SYT16: variants seen among roughly 807,000 people sequenced by gnomAD.
SYT16 encodes the protein synaptotagmin 16.
A neutral mutation model predicts 61.4 loss-of-function variants in SYT16; 42 were observed. The ratio of observed to expected loss-of-function variants is 0.68; its 90% CI spans 0.53 to 0.89. The LOEUF (loss-of-function observed/expected upper bound fraction) is 0.89. SYT16 is among the 40% of genes least tolerant of loss of function. The pLI, the probability that SYT16 is intolerant of heterozygous loss-of-function variation, is 0.00. For synonymous variants in SYT16, 314 were observed against 302.3 expected (o/e 1.04, Z -0.40); for missense variants, 804 against 807.3 (o/e 1.00, Z 0.05).
chr14:61,901,756 A>ATT (rs2048523669), intron 1 of SYT16, among the ~76,000 whole-genome samples: 1 of 146,142 alleles, frequency 6.8e-6, no homozygotes, highest in Admixed American at 6.9e-5. Flanking sequence ...TAATAATAAT[A>ATT]ATAATAATTA....
chr14:62,064,308 A>T (rs2140926950), intron 3 of SYT16, among the ~76,000 whole-genome samples: 1 of 149,828 alleles, frequency 6.7e-6, no homozygotes. Flanking sequence ...GATCTTGCAA[A>T]TAGACAAGAG....
At chr14:61,935,619 G>C (rs1202215085) in intron 1 of SYT16, among the ~76,000 whole-genome samples, 3 of 152,166 alleles carry the variant, frequency 2.0e-5, no homozygotes, top group East Asian at 1.9e-4. Context: ...GCACAGAGTC[G>C]ACACGTGGCA....
At chr14:61,859,091 C>A (rs1044541977) in intron 1 of SYT16, among the ~76,000 whole-genome samples, 10 of 151,900 alleles carry the variant, frequency 6.6e-5, no homozygotes, top group African/African-American at 9.7e-5. Flanking sequence ...GATCTCCTGA[C>A]CTCATGATTC....
chr14:62,105,052 TGG>T lies in SYT16; in HGVS notation c.*4346_*4347del, dbSNP rs2057490021. ...CAAGGATAGGCTCATGAAGCCAGGC[TGG>T]ATTCGTAAATAAAGGAGGCTTCATC... On this transcript the variant is annotated 3_prime_UTR_variant, in exon 8 of 8. Coordinates refer to ENST00000683842, the MANE Select transcript of SYT16 (RefSeq NM_001367656.1). The T allele has an allele frequency of 6.6e-6, 1 of 152,220 alleles. No individual in the cohort carries two copies. The highest frequency in any genetic ancestry group is 1.5e-5 in the Non-Finnish European group (1 of 68,036). 9.4% of individuals were successfully genotyped at this position (152,220 alleles called of 1,614,324 possible).
At chr14:62,084,978 AAAGG>A (rs1427264680) in intron 7 of SYT16, among the ~76,000 whole-genome samples, 6 of 152,190 alleles carry the variant, frequency 3.9e-5, no homozygotes, top group Non-Finnish European at 8.8e-5. Context: ...GGTGACAGAG[AAAGG>A]AAGTAAAGGA....
intron 3 of SYT16, among the ~76,000 whole-genome samples, chr14:62,038,649 G>T (rs965016827): frequency 2.0e-5 from 3 of 152,014 alleles, no homozygotes; most frequent in African/African-American, 7.2e-5. Flanking sequence ...CTCTCTGTCT[G>T]GCCTTTATAG....
intron 1 of SYT16, among the ~76,000 whole-genome samples, chr14:61,949,361 T>C (rs1382129676): frequency 6.6e-6 from 1 of 152,264 alleles, no homozygotes; most frequent in Non-Finnish European, 1.5e-5. Context: ...CCTTTCAGCC[T>C]GTGGCTGTTT....
chr14:61,824,163 CTT>C (rs554456983), intron 1 of SYT16, among the ~76,000 whole-genome samples: 79 of 152,218 alleles, frequency 5.2e-4, no homozygotes, highest in South Asian at 1.2e-3. Context: ...TCTTTGAAAT[CTT>C]TGTCAATTCT....
chr14:61,822,410 G>A (rs2045645578), intron 1 of SYT16, among the ~76,000 whole-genome samples: 1 of 152,178 alleles, frequency 6.6e-6, no homozygotes, highest in African/African-American at 2.4e-5. Context: ...ACTGACTCCT[G>A]CATCATTCTT....
In SYT16 at chr14:62,102,705, T is replaced by C. The variant is rs1490619696; in HGVS notation, c.*1998T>C. ...TTTATGCAGTAACATAATAGCAGCA[T>C]TCATTTTAAAATTTACATTTGAAAA... On this transcript the variant is annotated 3_prime_UTR_variant, in exon 8 of 8. Transcript: ENST00000683842. 1 of 152,208 alleles carries C rather than the reference T, an allele frequency of 6.6e-6. No individual in the cohort carries two copies. 9.4% of individuals were successfully genotyped at this position (152,208 alleles called of 1,614,324 possible).
intron 3 of SYT16, among the ~76,000 whole-genome samples, chr14:62,006,134 A>G (rs2053214672): frequency 1.3e-5 from 2 of 152,062 alleles, no homozygotes; most frequent in South Asian, 2.1e-4. Flanking sequence ...CTATAAAACT[A>G]GGATATGTGA....
intron 1 of SYT16, among the ~76,000 whole-genome samples, chr14:61,867,127 A>G (rs1415945880): frequency 6.6e-6 from 1 of 152,058 alleles, no homozygotes; most frequent in Non-Finnish European, 1.5e-5. Context: ...TTATGCTAAT[A>G]TCATACTGCT....
intron 1 of SYT16, among the ~76,000 whole-genome samples, chr14:61,884,087 C>A (rs1435086306): frequency 6.6e-6 from 1 of 152,152 alleles, no homozygotes; most frequent in African/African-American, 2.4e-5. Context: ...TATCAGCATC[C>A]TTTGGATTTC....
At chr14:62,022,043 C>CT (rs56923888) in intron 3 of SYT16, among the ~76,000 whole-genome samples, 15,963 of 142,036 alleles carry the variant, frequency 0.11, 1,219 homozygotes, top group African/African-American at 0.23. Context: ...TCTTCTTTTT[C>CT]TTTTTTTTTT....
intron 3 of SYT16, among the ~76,000 whole-genome samples, chr14:62,022,747 G>A (rs575206021): frequency 6.6e-6 from 1 of 151,870 alleles, no homozygotes; most frequent in Non-Finnish European, 1.5e-5. Context: ...GCTTTGCTTT[G>A]TCTAATCTGC....
chr14:61,991,514 G>A (rs2052549288), intron 2 of SYT16, among the ~76,000 whole-genome samples: 2 of 152,218 alleles, frequency 1.3e-5, no homozygotes, highest in Admixed American at 1.3e-4. Flanking sequence ...TATCTCCATG[G>A]TTACCCTGCC....
intron 2 of SYT16, among the ~76,000 whole-genome samples, chr14:61,986,157 GA>G (rs917976124): frequency 3.2e-4 from 48 of 149,212 alleles, no homozygotes; most frequent in African/African-American, 1.1e-3. Flanking sequence ...ATCTCTTAAT[GA>G]AAAAAAAATA....
chr14:61,851,057 C>T (rs1012154581), intron 1 of SYT16, among the ~76,000 whole-genome samples: 1 of 152,118 alleles, frequency 6.6e-6, no homozygotes, highest in Admixed American at 6.5e-5. Flanking sequence ...TGCTCTCCCT[C>T]CTCCCACCCC....
chr14:61,895,562 C>G (rs532204567), intron 1 of SYT16, among the ~76,000 whole-genome samples: 2 of 152,284 alleles, frequency 1.3e-5, no homozygotes, highest in South Asian at 4.1e-4. Flanking sequence ...ATGTAAAATG[C>G]TTAAAACAGG....
Sources: gnomAD v4.1 joint callset for allele counts (sites outside exome capture counted in the v4.1 genomes callset) on GRCh38, gnomAD v4.1.1 for gene constraint, MANE v1.5 for transcripts, NCBI Gene and HGNC (gene_info 2026-07-23, HGNC 2026-07-21) for gene names.